CNTNAP2: variants seen among roughly 807,000 people sequenced by gnomAD.
CNTNAP2 encodes contactin-associated protein-like 2.
Under a neutral mutation model 155.2 loss-of-function variants are expected in CNTNAP2, and 98 were observed. The observed-to-expected ratio is 0.63, with a 90% CI of 0.54 to 0.75. The LOEUF is 0.75. Among genes scored for constraint, CNTNAP2 ranks in the 30% least tolerant of loss-of-function variants. CNTNAP2 has a pLI of 0.00. For missense variants in CNTNAP2, 1,727 were observed against 1,688.1 expected (o/e 1.02, Z -0.40); for synonymous variants, 651 against 631.2 (o/e 1.03, Z -0.47).
At chr7:148,197,741 A>G (rs1191938110) in intron 18 of CNTNAP2, among the ~76,000 whole-genome samples, 1 of 152,214 alleles carries the variant, frequency 6.6e-6, no homozygotes, top group Non-Finnish European at 1.5e-5. Flanking sequence ...CTAGAATTCT[A>G]TCAGCCGATC....
intron 1 of CNTNAP2, among the ~76,000 whole-genome samples, chr7:146,369,085 T>G (rs1282253490): frequency 6.7e-6 from 1 of 148,630 alleles, no homozygotes; most frequent in Non-Finnish European, 1.5e-5. Context: ...CTTCATTCAT[T>G]TTTGTGAATC....
chr7:146,738,563 T>C (rs924583208), intron 1 of CNTNAP2, among the ~76,000 whole-genome samples: 4 of 151,998 alleles, frequency 2.6e-5, no homozygotes, highest in Admixed American at 6.6e-5. Context: ...GTGCTTTTGA[T>C]GTCATATCTA....
At chr7:147,960,162 T>C (rs769035830) in intron 14 of CNTNAP2, among the ~76,000 whole-genome samples, 56 of 151,964 alleles carry the variant, frequency 3.7e-4, no homozygotes, top group Non-Finnish European at 2.9e-4. Context: ...GGCTCTTAAG[T>C]TGGAATTCCC....
intron 15 of CNTNAP2, among the ~76,000 whole-genome samples, chr7:147,995,526 TTTG>T (rs1160786809): frequency 8.0e-6 from 1 of 124,754 alleles, no homozygotes; most frequent in Non-Finnish European, 1.6e-5. Flanking sequence ...TTCTAATTCT[TTTG>T]TTGTTTTTTT....
rs554667513 is a variant in CNTNAP2, at chr7:147,905,010, C to T, written c.2255+1289C>T. On this transcript the variant is annotated intron_variant, in intron 14 of 23. Transcript: ENST00000361727. ...TTAACCTTTTATTCATTCGTTCAAT[C>T]ATTCATTCAGTGAATCATCCAATCA... Among the ~76,000 whole-genome samples, 10 of 152,222 alleles carry T rather than the reference C, an allele frequency of 6.6e-5. No homozygotes were observed. In the South Asian group the frequency reaches 1.9e-3, roughly 28 times the overall value.
intron 13 of CNTNAP2, among the ~76,000 whole-genome samples, chr7:147,873,791 C>A (rs561892308): frequency 6.6e-6 from 1 of 152,184 alleles, no homozygotes; most frequent in Non-Finnish European, 1.5e-5. Context: ...CAAGTCCCTT[C>A]TGCCTATGAG....
intron 1 of CNTNAP2, among the ~76,000 whole-genome samples, chr7:146,761,673 T>C (rs906565132): frequency 6.6e-6 from 1 of 152,138 alleles, no homozygotes; most frequent in African/African-American, 2.4e-5. Flanking sequence ...ATCTTTTTTT[T>C]TAAATATTAA....
Position 147,238,538 on chromosome 7 carries a change from A to T in CNTNAP2, c.1349-61603A>T, listed in dbSNP as rs190601412. On this transcript the variant is annotated intron_variant, in intron 8 of 23. Coordinates refer to ENST00000361727, the MANE Select transcript of CNTNAP2 (RefSeq NM_014141.6). ...TGGTTTCAATGGAATGCTATCGAAAATTTTCATTTTGTTTTTTTTTCACAT... is the reference window on the plus strand; with the variant it reads ...TGGTTTCAATGGAATGCTATCGAAATTTTTCATTTTGTTTTTTTTTCACAT... Among the ~76,000 whole-genome samples the T allele has an allele frequency of 2.7e-3, 411 of 151,838 alleles. 1 individual carries two copies. Among genetic ancestry groups the T allele is most frequent in the African/African-American group, 9.3e-3 (385 of 41,406 alleles).
At chr7:147,650,632 A>G (rs1795435160) in intron 13 of CNTNAP2, among the ~76,000 whole-genome samples, 1 of 152,134 alleles carries the variant, frequency 6.6e-6, no homozygotes, top group Non-Finnish European at 1.5e-5. Flanking sequence ...AGAATATAAT[A>G]TATATAACAT....
intron 1 of CNTNAP2, among the ~76,000 whole-genome samples, chr7:146,132,312 C>A (rs1797726593): frequency 6.6e-6 from 1 of 152,170 alleles, no homozygotes; most frequent in South Asian, 2.1e-4. Context: ...CTTCATAGAG[C>A]AGCAATTCTC....
intron 23 of CNTNAP2, among the ~76,000 whole-genome samples, chr7:148,410,140 G>T (rs1201807367): frequency 6.6e-6 from 1 of 151,640 alleles, no homozygotes; most frequent in Non-Finnish European, 1.5e-5. Context: ...ACAAATAGCA[G>T]TGGAAAGCTG....
chr7:147,459,088 T>C (rs906438314), intron 10 of CNTNAP2, among the ~76,000 whole-genome samples: 1 of 152,236 alleles, frequency 6.6e-6, no homozygotes, highest in African/African-American at 2.4e-5. Flanking sequence ...GTATCTGCAC[T>C]GTCCAATATG....
chr7:147,485,558 C>A (rs1331369597), intron 10 of CNTNAP2, among the ~76,000 whole-genome samples: 1 of 152,106 alleles, frequency 6.6e-6, no homozygotes, highest in East Asian at 1.9e-4. Flanking sequence ...TTTGGCTTGA[C>A]AAAGAATAGA....
At chr7:147,750,667 G>A (rs1472459034) in intron 13 of CNTNAP2, among the ~76,000 whole-genome samples, 1 of 152,148 alleles carries the variant, frequency 6.6e-6, no homozygotes, top group African/African-American at 2.4e-5. Flanking sequence ...ACTAATTTTT[G>A]TTCAAGTGCC....
intron 1 of CNTNAP2, among the ~76,000 whole-genome samples, chr7:146,430,344 A>G (rs916523198): frequency 6.6e-6 from 1 of 152,042 alleles, no homozygotes; most frequent in Non-Finnish European, 1.5e-5. Context: ...TTTGTTCAAA[A>G]TATTTTTCTG....
At chr7:147,313,345 T>C (rs867608485) in intron 9 of CNTNAP2, among the ~76,000 whole-genome samples, 77 of 150,828 alleles carry the variant, frequency 5.1e-4, no homozygotes, top group African/African-American at 1.6e-3. Context: ...CCCATGCCTA[T>C]GTCCTGAATG....
chr7:146,359,305 G>A (rs560516078), intron 1 of CNTNAP2, among the ~76,000 whole-genome samples: 1 of 152,348 alleles, frequency 6.6e-6, no homozygotes, highest in South Asian at 2.1e-4. Flanking sequence ...CTGTGTTCAA[G>A]AAATAGATAT....
intron 13 of CNTNAP2, among the ~76,000 whole-genome samples, chr7:147,839,324 T>C (rs542615553): frequency 6.6e-6 from 1 of 152,292 alleles, no homozygotes; most frequent in East Asian, 1.9e-4. Context: ...TGACACTCAG[T>C]ATTAACCATC....
chr7:147,029,550 T>G (rs1199718843), intron 3 of CNTNAP2, among the ~76,000 whole-genome samples: 7 of 32,876 alleles, frequency 2.1e-4, no homozygotes, highest in African/African-American at 3.4e-4. Context: ...GTAAAAAGGG[T>G]TTTTTTTTTT....
Sources: allele counts gnomAD v4.1 joint callset (sites outside exome capture counted in the v4.1 genomes callset), GRCh38; gene constraint gnomAD v4.1.1; transcripts MANE v1.5; gene names NCBI Gene and HGNC (gene_info 2026-07-23, HGNC 2026-07-21).